The following EMC1 variants were observed in gnomAD, a reference collection of about 807,000 sequenced individuals.
The protein encoded by EMC1 is KIAA0090.
Under a neutral mutation model 128.8 loss-of-function variants are expected in EMC1, and 103 were observed. The ratio of observed to expected loss-of-function variants is 0.80; its 90% CI spans 0.68 to 0.94. EMC1 has a LOEUF of 0.94. EMC1 is among the 40% of genes least tolerant of loss of function. The pLI, the probability that EMC1 is intolerant of heterozygous loss-of-function variation, is 0.00. For missense variants in EMC1, 1,083 were observed against 1,250.6 expected, an observed-to-expected ratio of 0.87 and a Z score of 2.02; for synonymous variants, 442 against 490.4, an observed-to-expected ratio of 0.90 and a Z score of 1.30.
In EMC1 at chr1:19,239,767, T is replaced by C. The variant is rs535469450; in HGVS notation, c.954+51A>G. 1.7e-5 allele frequency: 27 copies of C among 1,573,840 alleles called. No homozygotes were observed. The African/African-American group carries it at 2.6e-4, about 15-fold the overall frequency. On this transcript the variant is annotated intron_variant, in intron 8 of 22. Coordinates refer to ENST00000477853, the MANE Select transcript of EMC1 (RefSeq NM_015047.3). ...CAAAAGCACTGCCTTCTAGCATCCA[T>C]GTCTTGGAGAGATCTCCTGAATCCT...
In EMC1 at chr1:19,243,693, A is replaced by C. The variant is rs766468841; in HGVS notation, c.301T>G (p.Ser101Ala). ...LLHGQDVITV[S>A]NGGRIMRSWE... The stretch of plus-strand genomic sequence containing the variant: ...GAACGCATGATTCGGCCTCCATTGG[A>C]CACAGTGATCACATCTGGAAAAGAA... Residue 101 changes from serine (S) to alanine (A), a missense_variant, in exon 4 of 23, where the codon TCC becomes GCC. Coordinates refer to ENST00000477853, the MANE Select transcript of EMC1 (RefSeq NM_015047.3). 6 of 1,614,190 alleles carry C rather than the reference A, an allele frequency of 3.7e-6. No homozygotes were observed. The South Asian group carries it at 6.6e-5, about 18-fold the overall frequency.
At chr1:19,238,269 G>A in intron 10 of EMC1, 130 bp from the exon 11 acceptor site, 1 of 994,756 alleles carries the variant, frequency 1.0e-6, no homozygotes, top group African/African-American at 1.6e-5. Context: ...ATATGCAAAG[G>A]AGAATAAAAG....
intron 2 of EMC1, 42 bp downstream of exon 2, chr1:19,244,864 A>T: frequency 3.1e-6 from 5 of 1,610,210 alleles, no homozygotes; most frequent in Non-Finnish European, 4.2e-6. Context: ...TAAGTCTTTC[A>T]TCCCTGAGGC....
intron 19 of EMC1, 77 bp from the exon 20 acceptor site, chr1:19,222,911 C>A: frequency 1.8e-6 from 2 of 1,082,132 alleles, no homozygotes; most frequent in East Asian, 2.5e-5. Context: ...GGAAGGCACC[C>A]CTCTAATTAG....
At chr1:19,244,132 T>A in intron 2 of EMC1, 117 bp from the exon 3 acceptor site, 1 of 980,950 alleles carries the variant, frequency 1.0e-6, no homozygotes, top group Non-Finnish European at 1.6e-6. Context: ...CTCGAGGGAG[T>A]GAAGGAGTAT....
chr1:19,231,187 G>A (rs1171079499), intron 16 of EMC1, 74 bp downstream of exon 16: 3 of 1,492,798 alleles, frequency 2.0e-6, no homozygotes, highest in Non-Finnish European at 2.7e-6. Flanking sequence ...TCCATCTCCG[G>A]GCCGCTGTGT....
At chr1:19,238,914 T>G (rs1044753820) in intron 9 of EMC1, 57 bp from the exon 10 acceptor site, 8 of 1,199,820 alleles carry the variant, frequency 6.7e-6, no homozygotes, top group Non-Finnish European at 9.9e-6. Context: ...TCCCAGTCAC[T>G]GAAATGAAGC....
chr1:19,242,531 G>A, intron 4 of EMC1, 58 bp from the exon 5 acceptor site: 1 of 1,604,544 alleles, frequency 6.2e-7, no homozygotes, highest in South Asian at 1.1e-5. Context: ...GGCTGGGAGA[G>A]ACAGTCCAGA....
rs992696292 is a variant in EMC1 at position 19,245,924 on chromosome 1, A to G, written c.96-894T>C. On this transcript the variant is annotated intron_variant, in intron 1 of 22. Coordinates refer to ENST00000477853, the MANE Select transcript of EMC1 (RefSeq NM_015047.3). ...TTACAGGCGTGAGTCACCACGCCCGACTGAGATCACAGCACTTCTTAACAG... is the reference window on the plus strand; with the variant it reads ...TTACAGGCGTGAGTCACCACGCCCGGCTGAGATCACAGCACTTCTTAACAG... 7.3e-5 allele frequency among the ~76,000 whole-genome samples: 11 copies of G among 151,678 alleles called. No individual in the cohort carries two copies. The South Asian group carries it at 2.1e-3, about 29-fold the overall frequency.
chr1:19,239,117 G>T, intron 9 of EMC1, 114 bp downstream of exon 9: 1 of 977,848 alleles, frequency 1.0e-6, no homozygotes, highest in Non-Finnish European at 1.6e-6. Context: ...ACAGCCTCCT[G>T]CCCGCTGGGT....
chr1:19,231,248 C>T lies in EMC1; in HGVS notation c.1944+13G>A, dbSNP rs1463602313. ...TCCGCTAGCATGTTCTCCATCCCCT[C>T]TGAAGACAGTACCTTGTATTCATCA... On this transcript the variant is annotated intron_variant, in intron 16 of 22. Transcript: ENST00000477853. 4 of 1,584,924 alleles carry T rather than the reference C, an allele frequency of 2.5e-6. No individual in the cohort carries two copies. The South Asian group carries it at 3.5e-5, about 14-fold the overall frequency.
intron 19 of EMC1, 45 bp downstream of exon 19, chr1:19,223,351 G>T (rs1163657517): frequency 6.4e-7 from 1 of 1,556,396 alleles, no homozygotes; most frequent in Non-Finnish European, 8.8e-7. Flanking sequence ...CAGGAGGCAG[G>T]GAGACCTCTG....
chr1:19,222,657 T>C lies in EMC1; in HGVS notation c.2554A>G (p.Thr852Ala), dbSNP rs1192189702. The change falls in exon 20 of 23, where the codon ACC becomes GCC. Residue 852 changes from threonine to alanine, a missense_variant. This residue lies in a region of EMC1 where 527 missense variants were observed against 644.1 expected (regional missense o/e 0.82). Transcript: ENST00000477853. ...SSISAMEATI[T>A]ERGITSRHLL... ...TGTCGGCTGGTGATGCCCCGTTCGGTGATGGTGGCCTCCATGGCACTGATG... is the reference window on the plus strand; with the variant it reads ...TGTCGGCTGGTGATGCCCCGTTCGGCGATGGTGGCCTCCATGGCACTGATG... 1 of 1,613,866 alleles carries C rather than the reference T, an allele frequency of 6.2e-7. No homozygotes were observed. The highest frequency in any genetic ancestry group is 8.5e-7 in the Non-Finnish European group (1 of 1,179,956).
chr1:19,250,215 T>C (rs2093651402), intron 1 of EMC1, among the ~76,000 whole-genome samples: 1 of 66,566 alleles, frequency 1.5e-5, no homozygotes, highest in South Asian at 5.3e-4. Context: ...AGCAAAACTG[T>C]CTCAAAAAAA....
rs1430924632 is a variant in EMC1 at position 19,227,192 on chromosome 1, C to A, written c.2202+121G>T. ...CATTTCACAAACAAAAATTAAGGCT[C>A]AAAGGGATTAAATGACTTACTCAAG... On this transcript the variant is annotated intron_variant, in intron 18 of 22. Coordinates refer to ENST00000477853, the MANE Select transcript of EMC1 (RefSeq NM_015047.3). The A allele has an allele frequency of 8.1e-6, 9 of 1,104,608 alleles. No homozygotes were observed. The East Asian group carries it at 2.3e-4, about 28-fold the overall frequency. 68.4% of individuals were successfully genotyped at this position (1,104,608 alleles called of 1,614,324 possible). A position where few individuals can be genotyped will look rare whatever the true frequency, so the allele number is the denominator to read the frequency against.
Position 19,227,331 on chromosome 1 carries a change from G to C in EMC1, c.2184C>G (p.Asp728Glu), listed in dbSNP as rs1335305881. 1 of 1,614,136 alleles carries C rather than the reference G, an allele frequency of 6.2e-7. No individual in the cohort carries two copies. ...HVHSQGRVMG[D>E]RSVLYKSLNP... is the part of the protein sequence containing the mutation. ...TATGTACCTTGTAGAGCACACTGCG[G>C]TCCCCCATCACACGGCCCTGGGAAT... Residue 728 changes from aspartate (D) to glutamate (E), a missense_variant, in exon 18 of 23, where the codon GAC becomes GAG. Asp to Glu is a conservative substitution (Grantham distance 45). This residue lies in a region of EMC1 where 527 missense variants were observed against 644.1 expected (regional missense o/e 0.82). Transcript: ENST00000477853.
At chr1:19,242,012 T>C (rs1278659471) in intron 5 of EMC1, among the ~76,000 whole-genome samples, 1 of 152,118 alleles carries the variant, frequency 6.6e-6, no homozygotes. Flanking sequence ...AACGAAAGGC[T>C]CAGTCAGAAC....
chr1:19,233,019 T>C lies in EMC1; in HGVS notation c.1549A>G (p.Lys517Glu). 1 of 1,614,202 alleles carries C rather than the reference T, an allele frequency of 6.2e-7. No individual in the cohort carries two copies. Among genetic ancestry groups the C allele is most frequent in the Non-Finnish European group, 8.5e-7 (1 of 1,180,030 alleles). The change falls in exon 14 of 23, where the codon AAG becomes GAG. Residue 517 changes from lysine (K) to glutamate (E), a missense_variant. Transcript: ENST00000477853. ...YDARKPRSQIKNEINIDTLAR... is the reference protein window; with the variant it reads ...YDARKPRSQIENEINIDTLAR... ...AGGGTGTCAATGTTGATCTCATTCT[T>C]AATCTGACTCCGGGGCTTCCGAGCA...
Position 19,220,805 on chromosome 1 carries a change from C to T in EMC1, c.2631G>A (p.Leu877=). The part of the protein sequence containing the change: ...SGAILSLPKA[L]LDPRRPEIPT... Reference sequence around the variant, plus strand: ...GGATCTCGGGGCGGCGGGGATCCAGCAAAGCCTTAGGAAGGGAAAGAATTG... The same window carrying T: ...GGATCTCGGGGCGGCGGGGATCCAGTAAAGCCTTAGGAAGGGAAAGAATTG... Residue 877 remains leucine, a synonymous_variant, in exon 21 of 23, where the codon TTG becomes TTA. Transcript: ENST00000477853. The T allele has an allele frequency of 1.2e-6, 2 of 1,613,544 alleles. No individual in the cohort carries two copies. Among genetic ancestry groups the T allele is most frequent in the Non-Finnish European group, 1.7e-6 (2 of 1,179,826 alleles).
Sources: gnomAD v4.1 joint callset for allele counts (sites outside exome capture counted in the v4.1 genomes callset) on GRCh38, gnomAD v4.1.1 for gene constraint, gnomAD v4.1.1 regional missense constraint, MANE v1.5 for transcripts, NCBI Gene and HGNC (gene_info 2026-07-23, HGNC 2026-07-21) for gene names.